Variants in KIF3B observed in about 807,000 individuals in gnomAD.
The protein encoded by KIF3B is kinesin family member 3B, also known as kinesin-like protein KIF3B.
In KIF3B, 38 loss-of-function variants were observed where a neutral mutation model predicts 74.3. That is an observed-to-expected ratio of 0.51 (90% CI 0.39 to 0.67). KIF3B has a LOEUF of 0.67. Among genes scored for constraint, KIF3B ranks in the 30% least tolerant of loss-of-function variants. The pLI is 0.00. For synonymous variants in KIF3B, 326 were observed against 342.5 expected, an observed-to-expected ratio of 0.95 and a Z score of 0.53; for missense variants, 649 against 932.0, an observed-to-expected ratio of 0.70 and a Z score of 3.95.
Position 32,310,164 on chromosome 20 carries a change from CAT to C in KIF3B, c.388_389del (p.Ile130LeufsTer35), listed in dbSNP as rs1411636368. The C allele has an allele frequency of 6.2e-7, 1 of 1,613,310 alleles. No homozygotes were observed. The highest frequency in any genetic ancestry group is 8.5e-7 in the Non-Finnish European group (1 of 1,179,302). On this transcript the variant is annotated frameshift_variant, in exon 2 of 9. Transcript: ENST00000375712. LOFTEE classifies it high-confidence loss of function. The surrounding 1 kb of genome is among the most constrained non-coding windows in gnomAD (Gnocchi z 6.5). Reference protein sequence around the residue: ...PNSFDHIFTHISRSQNQQYLV... With the variant: ...PNSFDHIFTHXSRSQNQQYLV... ...ACTCATTTGACCATATCTTCACCCA[CAT>C]CTCTCGATCCCAGAATCAACAATAC...
intron 7 of KIF3B, 68 bp from the exon 8 acceptor site, chr20:32,330,073 C>G: frequency 7.1e-7 from 1 of 1,417,368 alleles, no homozygotes; most frequent in Non-Finnish European, 9.5e-7. Context: ...TGGAGGGGCC[C>G]TCGATTGCTT....
chr20:32,316,003 A>G (rs1403832890), intron 2 of KIF3B, among the ~76,000 whole-genome samples: 1 of 152,188 alleles, frequency 6.6e-6, no homozygotes, highest in Non-Finnish European at 1.5e-5. Context: ...ATCTGAAGAA[A>G]CTGTATCTTC....
chr20:32,315,315 A>G (rs999321970), intron 2 of KIF3B, among the ~76,000 whole-genome samples: 5 of 152,036 alleles, frequency 3.3e-5, no homozygotes, highest in Non-Finnish European at 5.9e-5. Context: ...CCCCTCACAA[A>G]ACAATCTTTT....
intron 2 of KIF3B, among the ~76,000 whole-genome samples, chr20:32,315,855 A>T (rs1366886416): frequency 6.6e-6 from 1 of 151,836 alleles, no homozygotes; most frequent in Non-Finnish European, 1.5e-5. Context: ...TCCTCAGTGG[A>T]CTCGGAGCTT....
At position 32,334,070 on chromosome 20, in the gene KIF3B, C is replaced by T. The variant is rs2047944011; in HGVS notation, c.*2751C>T. The T allele has an allele frequency of 6.5e-6, 1 of 152,808 alleles. No individual in the cohort carries two copies. The highest frequency in any genetic ancestry group is 2.1e-4 in the South Asian group (1 of 4,820). 9.5% of individuals were successfully genotyped at this position (152,808 alleles called of 1,614,324 possible). On this transcript the variant is annotated 3_prime_UTR_variant, in exon 9 of 9. Coordinates refer to ENST00000375712, the MANE Select transcript of KIF3B (RefSeq NM_004798.4). ...TCATACCTAGAATGTTCTGAGCCGT[C>T]TGAGGGCCTTCATGCCGGCAGCAGC...
At chr20:32,294,242 CTTTG>C (rs1007569328) in intron 1 of KIF3B, among the ~76,000 whole-genome samples, 3 of 152,122 alleles carry the variant, frequency 2.0e-5, no homozygotes, top group African/African-American at 7.2e-5. Context: ...TAAATAAATG[CTTTG>C]TTTGCCTCTT....
At position 32,310,185 on chromosome 20, in the gene KIF3B, A is replaced by T. The variant is rs1346652092; in HGVS notation, c.408A>T (p.Gln136His). The T allele has an allele frequency of 6.2e-7, 1 of 1,613,494 alleles. No homozygotes were observed. Residue 136 changes from glutamine (Q) to histidine (H), a missense_variant, in exon 2 of 9, where the codon CAA (glutamine) becomes CAT (histidine). By Grantham distance (24) the Gln-to-His change is conservative (BLOSUM62 0). Coordinates refer to ENST00000375712, the MANE Select transcript of KIF3B (RefSeq NM_004798.4). The surrounding 1 kb of genome is among the most constrained non-coding windows in gnomAD (Gnocchi z 6.5). Reference sequence around the variant, plus strand: ...CCCACATCTCTCGATCCCAGAATCAACAATACCTGGTCAGGGCTTCTTACT... The same window carrying T: ...CCCACATCTCTCGATCCCAGAATCATCAATACCTGGTCAGGGCTTCTTACT... ...IFTHISRSQNQQYLVRASYLE... is the reference protein window; with the variant it reads ...IFTHISRSQNHQYLVRASYLE...
At chr20:32,305,155 A>T (rs1255445951) in intron 1 of KIF3B, among the ~76,000 whole-genome samples, 1 of 151,960 alleles carries the variant, frequency 6.6e-6, no homozygotes, top group African/African-American at 2.4e-5. Flanking sequence ...TTTAAAAAAC[A>T]AACAAACAAA....
chr20:32,308,527 C>T (rs912348498), intron 1 of KIF3B, among the ~76,000 whole-genome samples: 41 of 152,272 alleles, frequency 2.7e-4, no homozygotes, highest in Admixed American at 2.2e-3. Flanking sequence ...TCTCGTGCCA[C>T]GGCCCCCTGA....
rs1490224673 is a variant in KIF3B at position 32,277,700 on chromosome 20, G to GCCGCCC, written c.-125_-120dup. The GCCGCCC allele has an allele frequency of 1.5e-5, 4 of 261,810 alleles. No individual in the cohort carries two copies. Among genetic ancestry groups the GCCGCCC allele is most frequent in the East Asian group, 8.7e-5 (1 of 11,458 alleles). 16.2% of individuals were successfully genotyped at this position (261,810 alleles called of 1,614,324 possible). A position where few individuals can be genotyped will look rare whatever the true frequency, so the allele number is the denominator to read the frequency against. ...CGGGGAATGGCTGAGCCAGGGGTTC[G>GCCGCCC]CCGCCCCCGCCGCCGCCGCCGCCGC... On this transcript the variant is annotated 5_prime_UTR_variant, in exon 1 of 9. Coordinates refer to ENST00000375712, the MANE Select transcript of KIF3B (RefSeq NM_004798.4).
At chr20:32,326,686 G>A in intron 5 of KIF3B, 85 bp from the exon 6 acceptor site, 1 of 683,870 alleles carries the variant, frequency 1.5e-6, no homozygotes, top group Non-Finnish European at 2.6e-6. Context: ...ACTCTTACCT[G>A]ATTACTCACC....
intron 1 of KIF3B, among the ~76,000 whole-genome samples, chr20:32,308,237 A>G (rs926587456): frequency 9.2e-5 from 14 of 152,180 alleles, no homozygotes; most frequent in Admixed American, 7.2e-4. Flanking sequence ...CTCCGTCTCA[A>G]ATTAAAAAAA....
At chr20:32,279,162 A>G (rs1000201323) in intron 1 of KIF3B, among the ~76,000 whole-genome samples, 3 of 152,036 alleles carry the variant, frequency 2.0e-5, no homozygotes, top group Non-Finnish European at 4.4e-5. Context: ...GCCTCAAGTG[A>G]TATACCTGCC....
At position 32,310,135 on chromosome 20, in the gene KIF3B, C is replaced by T; in HGVS notation, c.358C>T (p.Pro120Ser). ...TGACCCTGAAAAAAGAGGAGTCATTCCTAACTCATTTGACCATATCTTCAC... is the reference window on the plus strand; with the variant it reads ...TGACCCTGAAAAAAGAGGAGTCATTTCTAACTCATTTGACCATATCTTCAC... The part of the protein sequence containing the change: ...RGDPEKRGVI[P>S]NSFDHIFTHI... Residue 120 changes from proline to serine, a missense_variant, in exon 2 of 9, where the codon CCT becomes TCT. Physicochemically the swap from Pro to Ser is moderately conservative, Grantham distance 74. Coordinates refer to ENST00000375712, the MANE Select transcript of KIF3B (RefSeq NM_004798.4). The surrounding 1 kb of genome is among the most constrained non-coding windows in gnomAD (Gnocchi z 6.5). 3 of 1,614,050 alleles carry T rather than the reference C, an allele frequency of 1.9e-6. 1 individual carries two copies. The highest frequency in any genetic ancestry group is 2.5e-6 in the Non-Finnish European group (3 of 1,179,972).
At chr20:32,289,855 G>A (rs1303225826) in intron 1 of KIF3B, among the ~76,000 whole-genome samples, 1 of 152,130 alleles carries the variant, frequency 6.6e-6, no homozygotes, top group Non-Finnish European at 1.5e-5. Flanking sequence ...GAGCCAGATG[G>A]ACCTGGTTTC....
intron 8 of KIF3B, 95 bp from the exon 9 acceptor site, chr20:32,331,128 T>G: frequency 3.6e-5 from 30 of 842,360 alleles, no homozygotes; most frequent in East Asian, 5.6e-5. Context: ...TTTCAGGCCA[T>G]TGAAGAATGG....
chr20:32,305,040 TAG>T (rs2047762814), intron 1 of KIF3B, among the ~76,000 whole-genome samples: 1 of 151,340 alleles, frequency 6.6e-6, no homozygotes, highest in Admixed American at 6.6e-5. Flanking sequence ...CCCAGCTACT[TAG>T]GAGGCTGAGG....
intron 2 of KIF3B, among the ~76,000 whole-genome samples, chr20:32,314,006 A>G (rs1283123319): frequency 6.6e-6 from 1 of 151,850 alleles, no homozygotes; most frequent in East Asian, 1.9e-4. Flanking sequence ...CCGCACCCTT[A>G]TGTCCGGCCT....
intron 2 of KIF3B, among the ~76,000 whole-genome samples, chr20:32,313,130 G>C (rs2047810113): frequency 6.6e-6 from 1 of 152,094 alleles, no homozygotes; most frequent in Admixed American, 6.6e-5. Context: ...CCAATGGCTA[G>C]TTAGCATTCT....
Sources: gnomAD v4.1 joint callset for allele counts (sites outside exome capture counted in the v4.1 genomes callset) on GRCh38, gnomAD v4.1.1 for gene constraint, Gnocchi (gnomAD v3.1) non-coding constraint, MANE v1.5 for transcripts, NCBI Gene and HGNC (gene_info 2026-07-23, HGNC 2026-07-21) for gene names.